The following TNKS2 variants were observed in gnomAD, a reference collection of about 807,000 sequenced individuals.
The protein encoded by TNKS2 is tankyrase 2.
TNKS2 carries 72 observed loss-of-function variants against 137.6 expected under a neutral mutation model. The ratio of observed to expected loss-of-function variants is 0.52; its 90% CI spans 0.43 to 0.64. The LOEUF is 0.64. TNKS2 is among the 30% of genes least tolerant of loss of function. The pLI, the probability that TNKS2 is intolerant of heterozygous loss-of-function variation, is 0.00. For missense variants in TNKS2, 1,049 were observed against 1,410.2 expected (o/e 0.74, Z 4.10); for synonymous variants, 516 against 512.1 (o/e 1.01, Z -0.10).
chr10:91,811,023 G>A (rs1844485814), intron 1 of TNKS2, among the ~76,000 whole-genome samples: 1 of 137,494 alleles, frequency 7.3e-6, no homozygotes, highest in Non-Finnish European at 1.5e-5. Context: ...TACCTGCCGG[G>A]TTCAAGCAAT....
chr10:91,846,140 T>C (rs982780658), intron 18 of TNKS2, among the ~76,000 whole-genome samples, 200 bp downstream of exon 18: 1 of 152,182 alleles, frequency 6.6e-6, no homozygotes, highest in African/African-American at 2.4e-5. Flanking sequence ...AATAGAATTA[T>C]CAATCAGTTA....
chr10:91,799,847 TG>T (rs1844104569), intron 1 of TNKS2, among the ~76,000 whole-genome samples: 1 of 152,230 alleles, frequency 6.6e-6, no homozygotes, highest in African/African-American at 2.4e-5. Context: ...CCTGGTTTTT[TG>T]TTTTGTGTAT....
At chr10:91,862,851 C>T in intron 26 of TNKS2, 86 bp from the exon 27 acceptor site, 3 of 896,652 alleles carry the variant, frequency 3.3e-6, no homozygotes, top group South Asian at 3.1e-5. Flanking sequence ...GAACCTCCTC[C>T]CTAAGATTAG....
intron 16 of TNKS2, among the ~76,000 whole-genome samples, chr10:91,843,408 C>T (rs1366588852): frequency 2.6e-5 from 4 of 152,076 alleles, no homozygotes; most frequent in Admixed American, 6.6e-5. Context: ...AGATTAGAGC[C>T]CACCCTAATG....
chr10:91,805,091 G>A (rs1266942922), intron 1 of TNKS2, among the ~76,000 whole-genome samples: 8 of 142,576 alleles, frequency 5.6e-5, no homozygotes, highest in South Asian at 4.7e-4. Context: ...TAAAGATTTC[G>A]CCAAACTCCA....
intron 24 of TNKS2, among the ~76,000 whole-genome samples, chr10:91,858,711 A>G (rs1428124778): frequency 1.3e-5 from 2 of 152,204 alleles, no homozygotes; most frequent in African/African-American, 4.8e-5. Flanking sequence ...GAAAGAGAAT[A>G]AGAATGTGAA....
chr10:91,822,556 A>ATGTTT (rs10647275), intron 7 of TNKS2, among the ~76,000 whole-genome samples, 194 bp downstream of exon 7: 47,918 of 150,304 alleles, frequency 0.32, 8,035 homozygotes, highest in South Asian at 0.52. Context: ...GAGATACCAT[A>ATGTTT]TGTTTTGTTT....
chr10:91,838,267 T>C lies in TNKS2; in HGVS notation c.1527+1269T>C, dbSNP rs770648160. ...GGACTTAGGGAACACAGTAATGCCA[T>C]TGGATTCAGGAAAACCTGTGCTAGG... On this transcript the variant is annotated intron_variant, in intron 13 of 26. Transcript: ENST00000371627. 2.0e-5 allele frequency among the ~76,000 whole-genome samples: 3 copies of C among 152,128 alleles called. No individual in the cohort carries two copies. The East Asian group carries it at 5.8e-4, about 29-fold the overall frequency.
chr10:91,809,767 T>A (rs188718988), intron 1 of TNKS2, among the ~76,000 whole-genome samples: 1 of 152,270 alleles, frequency 6.6e-6, no homozygotes. Flanking sequence ...GTCTCTGCAT[T>A]TGATTCATTT....
intron 3 of TNKS2, 126 bp from the exon 4 acceptor site, chr10:91,819,144 A>G (rs1490164713): frequency 1.7e-6 from 1 of 583,402 alleles, no homozygotes; most frequent in Non-Finnish European, 2.9e-6. Flanking sequence ...TTAATGAACT[A>G]TTTTCCATTT....
chr10:91,836,884 G>A lies in TNKS2; in HGVS notation c.1448-35G>A, dbSNP rs772356688. ...AGCTTGGTTCCATCTTCCAAATAGAGGTTAGTCACTCTTCTCTCTCTCTCT... is the reference window on the plus strand; with the variant it reads ...AGCTTGGTTCCATCTTCCAAATAGAAGTTAGTCACTCTTCTCTCTCTCTCT... On this transcript the variant is annotated intron_variant, in intron 12 of 26. Transcript: ENST00000371627. 6.3e-6 allele frequency: 10 copies of A among 1,597,088 alleles called. No homozygotes were observed. In the South Asian group the frequency reaches 1.0e-4, roughly 16 times the overall value.
chr10:91,851,371 A>G (rs751835775), intron 21 of TNKS2, 35 bp downstream of exon 21: 1 of 1,603,374 alleles, frequency 6.2e-7, no homozygotes, highest in South Asian at 1.1e-5. Flanking sequence ...TGTCAGTTTA[A>G]CAGTTTGCAT....
At chr10:91,805,030 C>G (rs1465382597) in intron 1 of TNKS2, among the ~76,000 whole-genome samples, 1 of 152,082 alleles carries the variant, frequency 6.6e-6, no homozygotes. Flanking sequence ...TCCCAAAGTG[C>G]TGGGATTACA....
rs561356004 is a variant in TNKS2, at chr10:91,857,979, T to G, written c.3094+449T>G. On this transcript the variant is annotated intron_variant, in intron 24 of 26. Coordinates refer to ENST00000371627, the MANE Select transcript of TNKS2 (RefSeq NM_025235.4). Reference sequence around the variant, plus strand: ...TGAACCTGTAGAGGTTTCTGATGACTGTAGAATTGAAACCATAGAATTGAA... The same window carrying G: ...TGAACCTGTAGAGGTTTCTGATGACGGTAGAATTGAAACCATAGAATTGAA... Among the ~76,000 whole-genome samples the G allele has an allele frequency of 5.3e-5, 8 of 152,352 alleles. No individual in the cohort carries two copies. The South Asian group carries it at 1.7e-3, about 32-fold the overall frequency.
intron 1 of TNKS2, among the ~76,000 whole-genome samples, chr10:91,802,049 T>C (rs968023060): frequency 1.8e-4 from 27 of 151,906 alleles, no homozygotes; most frequent in Admixed American, 2.6e-4. Flanking sequence ...ACTCTTGGAG[T>C]AGGGGTAGGA....
chr10:91,818,178 AG>A (rs1186861019), intron 3 of TNKS2, among the ~76,000 whole-genome samples: 1 of 152,226 alleles, frequency 6.6e-6, no homozygotes, highest in Non-Finnish European at 1.5e-5. Context: ...GGGCCTCAAA[AG>A]AAGCATTGCC....
At chr10:91,823,310 T>TC (rs1426718297) in intron 7 of TNKS2, among the ~76,000 whole-genome samples, 4 of 141,872 alleles carry the variant, frequency 2.8e-5, no homozygotes, top group African/African-American at 5.4e-5. Context: ...GTTGTTTTTT[T>TC]GGTTTTTTGG....
intron 1 of TNKS2, 54 bp downstream of exon 1, chr10:91,798,943 G>C (rs1450921112): frequency 2.0e-5 from 26 of 1,313,830 alleles, no homozygotes; most frequent in Non-Finnish European, 2.4e-5. Context: ...TGCGCAGCCG[G>C]GGCCCACAGG....
chr10:91,836,706 A>G, intron 12 of TNKS2: 21 of 984,998 alleles, frequency 2.1e-5, no homozygotes, highest in Non-Finnish European at 2.5e-5. Context: ...ACACATTTAC[A>G]TATTTTGCTT....
Sources: allele counts gnomAD v4.1 joint callset (sites outside exome capture counted in the v4.1 genomes callset), GRCh38; gene constraint gnomAD v4.1.1; transcripts MANE v1.5; gene names NCBI Gene and HGNC (gene_info 2026-07-23, HGNC 2026-07-21).